The following FGGY variants were observed in gnomAD, a reference collection of about 807,000 sequenced individuals.
FGGY encodes FGGY carbohydrate kinase domain containing, also known as FGGY carbohydrate kinase domain-containing protein.
A neutral mutation model predicts 71.3 loss-of-function variants in FGGY; 72 were observed. That is an observed-to-expected ratio of 1.01 (90% CI 0.84 to 1.23). The LOEUF is 1.23. Ranked by LOEUF, FGGY falls within the 50% of genes most tolerant of loss-of-function variation. The pLI is 0.00. For synonymous variants in FGGY, 251 were observed against 250.3 expected, an observed-to-expected ratio of 1.00 and a Z score of -0.02; for missense variants, 668 against 682.3, an observed-to-expected ratio of 0.98 and a Z score of 0.23.
In FGGY at chr1:59,655,966, C is replaced by T. The variant is rs74086278; in HGVS notation, c.1222-4253C>T. On this transcript the variant is annotated intron_variant, in intron 11 of 15. Transcript: ENST00000303721. ...TTCAATTGGCATACACCGCTAACCT[C>T]GAAAATCCCAATATTTACATAAGTG... 3.5e-3 allele frequency among the ~76,000 whole-genome samples: 536 copies of T among 152,226 alleles called. 4 individuals are homozygous for T. The highest frequency in any genetic ancestry group is 0.012 in the African/African-American group (512 of 41,528).
intron 11 of FGGY, among the ~76,000 whole-genome samples, chr1:59,651,151 G>C (rs1262880499): frequency 2.6e-5 from 4 of 151,720 alleles, no homozygotes; most frequent in African/African-American, 4.8e-5. Flanking sequence ...TACATTTGCT[G>C]AGGAGAGCTT....
At chr1:59,709,209 C>A (rs149656324) in intron 14 of FGGY, among the ~76,000 whole-genome samples, 1 of 152,168 alleles carries the variant, frequency 6.6e-6, no homozygotes, top group African/African-American at 2.4e-5. Flanking sequence ...CTGGGGAGGC[C>A]GCAGGAAACT....
At chr1:59,475,532 C>G (rs764528485) in intron 6 of FGGY, among the ~76,000 whole-genome samples, 2 of 152,218 alleles carry the variant, frequency 1.3e-5, no homozygotes, top group Non-Finnish European at 2.9e-5. Context: ...CAGTTTTACA[C>G]TTGGGGAAGC....
At chr1:59,379,825 G>C (rs2059166495) in intron 5 of FGGY, among the ~76,000 whole-genome samples, 1 of 150,834 alleles carries the variant, frequency 6.6e-6, no homozygotes, top group South Asian at 2.1e-4. Flanking sequence ...TATACTTTAA[G>C]TTCTAGGGTA....
intron 6 of FGGY, among the ~76,000 whole-genome samples, chr1:59,479,328 G>A (rs1037960737): frequency 1.3e-5 from 2 of 152,132 alleles, no homozygotes; most frequent in Non-Finnish European, 2.9e-5. Flanking sequence ...TTGGAAATAG[G>A]TAGAGTGTTC....
intron 7 of FGGY, among the ~76,000 whole-genome samples, chr1:59,545,270 T>G (rs1018405820): frequency 6.6e-6 from 1 of 152,234 alleles, no homozygotes; most frequent in African/African-American, 2.4e-5. Flanking sequence ...TCAGGAAGCA[T>G]TTGTGTGCCT....
chr1:59,478,604 A>G (rs1287510989), intron 6 of FGGY, among the ~76,000 whole-genome samples: 2 of 152,256 alleles, frequency 1.3e-5, no homozygotes, highest in Non-Finnish European at 2.9e-5. Context: ...GGATAATTAA[A>G]TAAAAGAGGG....
chr1:59,386,618 T>C (rs926770836), intron 5 of FGGY, among the ~76,000 whole-genome samples: 1 of 152,096 alleles, frequency 6.6e-6, no homozygotes, highest in African/African-American at 2.4e-5. Context: ...GGAGTAGTTA[T>C]GCTTCATTTT....
intron 8 of FGGY, among the ~76,000 whole-genome samples, chr1:59,597,506 T>TA (rs889244790): frequency 2.6e-5 from 4 of 152,040 alleles, no homozygotes; most frequent in African/African-American, 9.6e-5. Context: ...TCAAGTCTTT[T>TA]AAAAAAAAGT....
At chr1:59,485,037 G>A (rs2093617334) in intron 6 of FGGY, among the ~76,000 whole-genome samples, 2 of 152,146 alleles carry the variant, frequency 1.3e-5, no homozygotes, top group African/African-American at 4.8e-5. Flanking sequence ...AGTAGAGGAG[G>A]CAGGATTATA....
intron 6 of FGGY, among the ~76,000 whole-genome samples, chr1:59,498,631 A>C (rs2094123710): frequency 6.6e-6 from 1 of 152,122 alleles, no homozygotes; most frequent in Admixed American, 6.5e-5. Flanking sequence ...GGGGACTGAG[A>C]ATGCACACTT....
chr1:59,597,060 G>A (rs1186849292), intron 8 of FGGY, among the ~76,000 whole-genome samples: 1 of 152,142 alleles, frequency 6.6e-6, no homozygotes, highest in Non-Finnish European at 1.5e-5. Flanking sequence ...AGGTGTCTAT[G>A]GAAAGTTTTG....
At chr1:59,478,262 C>T (rs911718959) in intron 6 of FGGY, among the ~76,000 whole-genome samples, 4 of 152,170 alleles carry the variant, frequency 2.6e-5, no homozygotes, top group Non-Finnish European at 5.9e-5. Flanking sequence ...CTCTGTCTCT[C>T]GTGGGTATCA....
intron 14 of FGGY, among the ~76,000 whole-genome samples, chr1:59,708,723 C>T (rs1349614470): frequency 1.3e-5 from 2 of 152,182 alleles, no homozygotes; most frequent in Admixed American, 1.3e-4. Context: ...GGGACCTGTA[C>T]CTAGATTTGT....
intron 12 of FGGY, among the ~76,000 whole-genome samples, chr1:59,664,939 C>CA (rs34041597): frequency 0.18 from 26,078 of 144,100 alleles, 2,385 homozygotes; most frequent in South Asian, 0.31. Flanking sequence ...ATTCCCATGG[C>CA]AAAAAAAAAA....
chr1:59,445,750 T>A (rs2071088329), intron 5 of FGGY, among the ~76,000 whole-genome samples: 1 of 152,220 alleles, frequency 6.6e-6, no homozygotes, highest in Non-Finnish European at 1.5e-5. Flanking sequence ...AAAAAGGAGA[T>A]AACAGACAAG....
intron 7 of FGGY, among the ~76,000 whole-genome samples, chr1:59,538,665 TA>T (rs1483141197): frequency 6.6e-6 from 1 of 151,682 alleles, no homozygotes; most frequent in Non-Finnish European, 1.5e-5. Flanking sequence ...TATGCAGCCA[TA>T]AAAAAGGATG....
chr1:59,538,537 A>T (rs549791239), intron 7 of FGGY, among the ~76,000 whole-genome samples: 2 of 147,396 alleles, frequency 1.4e-5, no homozygotes, highest in Non-Finnish European at 3.0e-5. Flanking sequence ...ATAAAGACAC[A>T]TGCACACGTA....
chr1:59,502,020 A>G (rs2094241089), intron 6 of FGGY, among the ~76,000 whole-genome samples: 1 of 152,184 alleles, frequency 6.6e-6, no homozygotes, highest in Non-Finnish European at 1.5e-5. Flanking sequence ...TAAAACACTT[A>G]TTTGCATTAT....
Sources: allele counts gnomAD v4.1 joint callset (sites outside exome capture counted in the v4.1 genomes callset), GRCh38; gene constraint gnomAD v4.1.1; transcripts MANE v1.5; gene names NCBI Gene and HGNC (gene_info 2026-07-23, HGNC 2026-07-21).